Variants in LAMA1 observed in about 807,000 individuals in gnomAD.
The protein encoded by LAMA1 is laminin subunit alpha-1.
In LAMA1, 219 loss-of-function variants were observed where a neutral mutation model predicts 348.7. The observed-to-expected ratio is 0.63, with a 90% CI of 0.56 to 0.70. LAMA1 has a LOEUF of 0.70. Ranked by LOEUF, LAMA1 falls within the 30% of genes least tolerant of loss-of-function variation. The pLI is 0.00. For missense variants in LAMA1, 3,744 were observed against 3,888.0 expected (o/e 0.96, Z 0.99); for synonymous variants, 1,487 against 1,491.0 (o/e 1.00, Z 0.06).
At chr18:7,110,309 A>C (rs2058330832) in intron 1 of LAMA1, among the ~76,000 whole-genome samples, 2 of 152,220 alleles carry the variant, frequency 1.3e-5, no homozygotes, top group African/African-American at 4.8e-5. Flanking sequence ...CAAGGAAAGA[A>C]ACAAAATTAA....
In LAMA1 at chr18:6,973,129, AG is replaced by A. The variant is rs797045182; in HGVS notation, c.6701del (p.Pro2234LeufsTer9). The A allele has an allele frequency of 2.5e-6, 4 of 1,614,090 alleles. No individual in the cohort carries two copies. The highest frequency in any genetic ancestry group is 3.4e-6 in the Non-Finnish European group (4 of 1,179,888). On this transcript the variant is annotated frameshift_variant, in exon 47 of 63. Transcript: ENST00000389658. LOFTEE classifies it high-confidence loss of function. ...QKSPTKTSKS[P>X]GTANVLDVNN... ...TTACATCCAGAACATTAGCTGTCCC[AG>A]GGGATTTACTTGTTTTTGTTGGTGA...
At chr18:7,003,056 T>A (rs2057815141) in intron 29 of LAMA1, among the ~76,000 whole-genome samples, 1 of 151,766 alleles carries the variant, frequency 6.6e-6, no homozygotes, top group African/African-American at 2.4e-5. Flanking sequence ...AACTTTTAAC[T>A]TTTTTGTACA....
intron 7 of LAMA1, 69 bp downstream of exon 7, chr18:7,044,653 A>T: frequency 8.3e-7 from 1 of 1,202,464 alleles, no homozygotes. Flanking sequence ...AAAAGTTGTT[A>T]AGACACCATA....
chr18:7,046,126 A>G (rs2058041039), intron 6 of LAMA1, 152 bp downstream of exon 6: 1 of 582,428 alleles, frequency 1.7e-6, no homozygotes, highest in Admixed American at 3.2e-5. Flanking sequence ...AATTGTTTAA[A>G]AATGACACAA....
At position 7,080,324 on chromosome 18, in the gene LAMA1, C is replaced by T; in HGVS notation, c.195G>A (p.Gln65=). 1 of 1,614,266 alleles carries T rather than the reference C, an allele frequency of 6.2e-7. No homozygotes were observed. The highest frequency in any genetic ancestry group is 8.5e-7 in the Non-Finnish European group (1 of 1,180,052). ...CGCTGTTGCCATCACAGATCCGGCA[C>T]TGTGGGTTTCGGACGGGCCGACCTG... ...HVPGRPVRNP[Q]CRICDGNSAN... is the part of the protein sequence containing the mutation. Residue 65 remains glutamine, a synonymous_variant, in exon 2 of 63, where the codon CAG becomes CAA. Coordinates refer to ENST00000389658, the MANE Select transcript of LAMA1 (RefSeq NM_005559.4).
intron 1 of LAMA1, among the ~76,000 whole-genome samples, chr18:7,117,248 C>A (rs2143847054): frequency 6.6e-6 from 1 of 152,162 alleles, no homozygotes; most frequent in African/African-American, 2.4e-5. Flanking sequence ...ATCCCCCGCG[C>A]CCGGCCAACA....
intron 14 of LAMA1, 79 bp from the exon 15 acceptor site, chr18:7,033,174 GA>G (rs113773518): frequency 0.39 from 427,131 of 1,100,386 alleles, 88,065 homozygotes; most frequent in African/African-American, 0.65. Context: ...GCTCCTAAAA[GA>G]TTTAAATCCG....
At position 7,106,925 on chromosome 18, in the gene LAMA1, C is replaced by T. The variant is rs889781456; in HGVS notation, c.61+10735G>A. On this transcript the variant is annotated intron_variant, in intron 1 of 62. Transcript: ENST00000389658. ...CAGTGGCATATGATGTAGAAGCTGA[C>T]CCCGCACCTCCAATAAAGCAGCCAG... 5.9e-5 allele frequency among the ~76,000 whole-genome samples: 9 copies of T among 152,062 alleles called. No homozygotes were observed. The East Asian group carries it at 1.2e-3, about 20-fold the overall frequency.
chr18:7,002,120 G>A, intron 30 of LAMA1, 144 bp downstream of exon 30: 1 of 1,062,044 alleles, frequency 9.4e-7, no homozygotes. Flanking sequence ...TTTTGAGAAT[G>A]AACACCTTTT....
At chr18:7,052,265 A>G (rs1165370883) in intron 3 of LAMA1, among the ~76,000 whole-genome samples, 3 of 151,458 alleles carry the variant, frequency 2.0e-5, no homozygotes, top group Non-Finnish European at 4.4e-5. Flanking sequence ...TCCCATCTCT[A>G]CTAAAATACA....
chr18:7,026,083 G>C lies in LAMA1; in HGVS notation c.2298C>G (p.Gly766=). ...CGGGCAAGCACTGCTCACAGTGGACGCCGGTGGTGTTGTGCGCACACGCCT... is the reference window on the plus strand; with the variant it reads ...CGGGCAAGCACTGCTCACAGTGGACCCCGGTGGTGTTGTGCGCACACGCCT... ...VCIACAHNTT[G]VHCEQCLPGF... Residue 766 remains glycine (G), a synonymous_variant, in exon 17 of 63, where the codon GGC becomes GGG. Transcript: ENST00000389658. 1.2e-6 allele frequency: 2 copies of C among 1,611,400 alleles called. No individual in the cohort carries two copies. Among genetic ancestry groups the C allele is most frequent in the Non-Finnish European group, 1.7e-6 (2 of 1,178,656 alleles).
intron 1 of LAMA1, among the ~76,000 whole-genome samples, chr18:7,098,844 G>T (rs1332958647): frequency 2.4e-5 from 3 of 125,176 alleles, no homozygotes; most frequent in African/African-American, 9.0e-5. Context: ...GGAGGGAGGT[G>T]GGGGGGTCAG....
chr18:7,116,661 A>G (rs2058357699), intron 1 of LAMA1, among the ~76,000 whole-genome samples: 1 of 152,184 alleles, frequency 6.6e-6, no homozygotes, highest in Non-Finnish European at 1.5e-5. Flanking sequence ...TGCATACATT[A>G]AGATGTTTTC....
At chr18:7,016,880 T>TCC (rs2057890944) in intron 20 of LAMA1, among the ~76,000 whole-genome samples, 1 of 152,054 alleles carries the variant, frequency 6.6e-6, no homozygotes, top group Admixed American at 6.5e-5. Context: ...TGACTCTGTG[T>TCC]CCCCACCCAA....
intron 5 of LAMA1, 35 bp downstream of exon 5, chr18:7,049,035 AATCTTTTT>A (rs752668291): frequency 1.9e-6 from 3 of 1,564,168 alleles, no homozygotes; most frequent in Non-Finnish European, 2.6e-6. Context: ...AAATAAAATG[AATCTTTTT>A]ATTTTATTTG....
Position 6,955,317 on chromosome 18 carries a change from T to C in LAMA1, c.8207+36A>G, listed in dbSNP as rs773367216. ...CAGAACACCCCCATACATCTAGCAA[T>C]GAGACGCCGCATAAGGATGTTAGAA... On this transcript the variant is annotated intron_variant, in intron 57 of 62. Transcript: ENST00000389658. 4.6e-6 allele frequency: 7 copies of C among 1,508,194 alleles called. No homozygotes were observed. The African/African-American group carries it at 6.9e-5, about 15-fold the overall frequency. The allele number at this position is 1,508,194 out of a possible 1,614,324, so 93.4% of individuals were successfully genotyped here.
chr18:6,988,028 C>T (rs559878770), intron 36 of LAMA1, among the ~76,000 whole-genome samples: 10 of 152,156 alleles, frequency 6.6e-5, no homozygotes, highest in African/African-American at 1.9e-4. Context: ...GTGGGAAAAT[C>T]GCTTGAGCCT....
At chr18:7,006,116 C>G (rs750410193) in intron 29 of LAMA1, among the ~76,000 whole-genome samples, 94 of 152,168 alleles carry the variant, frequency 6.2e-4, no homozygotes, top group Non-Finnish European at 1.1e-3. Flanking sequence ...GACTGTAAAG[C>G]ATGAGGCTTC....
intron 14 of LAMA1, among the ~76,000 whole-genome samples, chr18:7,033,766 G>GT (rs1369057193): frequency 6.6e-6 from 1 of 151,330 alleles, no homozygotes; most frequent in East Asian, 1.9e-4. Flanking sequence ...ACAAAGTCTC[G>GT]TTGTGCTGCC....
Sources: gnomAD v4.1 joint callset for allele counts (sites outside exome capture counted in the v4.1 genomes callset) on GRCh38, gnomAD v4.1.1 for gene constraint, MANE v1.5 for transcripts, NCBI Gene and HGNC (gene_info 2026-07-23, HGNC 2026-07-21) for gene names.